PCBD2: variants seen among roughly 807,000 people sequenced by gnomAD.
PCBD2 encodes pterin-4 alpha-carbinolamine dehydratase 2, also known as pterin-4-alpha-carbinolamine dehydratase 2.
A neutral mutation model predicts 16.4 loss-of-function variants in PCBD2; 12 were observed. The observed-to-expected ratio is 0.73, with a 90% CI of 0.47 to 1.19. PCBD2 has a LOEUF of 1.19. PCBD2 is among the 50% of genes most tolerant of loss of function. The pLI, the probability that PCBD2 is intolerant of heterozygous loss-of-function variation, is 0.00. For synonymous variants in PCBD2, 58 were observed against 61.8 expected (o/e 0.94, Z 0.29); for missense variants, 138 against 156.8 (o/e 0.88, Z 0.64).
intron 2 of PCBD2, among the ~76,000 whole-genome samples, chr5:134,941,129 A>G (rs905889321): frequency 4.6e-5 from 7 of 151,602 alleles, no homozygotes; most frequent in Admixed American, 6.6e-5. Flanking sequence ...AAAAAAAAAA[A>G]AAAAAAAAAA....
At chr5:134,914,057 A>C (rs1750799437) in intron 2 of PCBD2, among the ~76,000 whole-genome samples, 1 of 152,150 alleles carries the variant, frequency 6.6e-6, no homozygotes, top group African/African-American at 2.4e-5. Context: ...GCTGGAGTTC[A>C]GGCTGAGACA....
chr5:134,925,926 G>C (rs184780648), intron 2 of PCBD2: 2 of 391,416 alleles, frequency 5.1e-6, no homozygotes, highest in Non-Finnish European at 9.0e-6. Flanking sequence ...AACCGATGTC[G>C]CCGATACGGT....
intron 2 of PCBD2, among the ~76,000 whole-genome samples, chr5:134,915,048 G>A (rs1234497696): frequency 6.6e-6 from 1 of 152,158 alleles, no homozygotes; most frequent in Non-Finnish European, 1.5e-5. Flanking sequence ...CGGGCGCGGT[G>A]GCTCACATCT....
At chr5:134,915,375 T>C (rs527598885) in intron 2 of PCBD2, among the ~76,000 whole-genome samples, 1 of 152,040 alleles carries the variant, frequency 6.6e-6, no homozygotes, top group East Asian at 1.9e-4. Context: ...TTCTAAATAT[T>C]GTTCTGCATG....
intron 1 of PCBD2, among the ~76,000 whole-genome samples, chr5:134,909,521 CTA>C (rs1750739300): frequency 6.6e-6 from 1 of 152,204 alleles, no homozygotes; most frequent in Non-Finnish European, 1.5e-5. Flanking sequence ...TAAGCTGTCT[CTA>C]TGGTATGTTC....
intron 2 of PCBD2, among the ~76,000 whole-genome samples, chr5:134,950,135 A>G (rs186588653): frequency 1.6e-3 from 244 of 152,328 alleles, no homozygotes; most frequent in Non-Finnish European, 2.6e-3. Flanking sequence ...AAGAAGGGTT[A>G]TAGGCCTACA....
At chr5:134,938,559 T>A (rs1751188539) in intron 2 of PCBD2, among the ~76,000 whole-genome samples, 1 of 152,154 alleles carries the variant, frequency 6.6e-6, no homozygotes, top group South Asian at 2.1e-4. Context: ...GGTGGGGTAC[T>A]TTGGGAACAC....
At position 134,962,610 on chromosome 5, in the gene PCBD2, T is replaced by C. The variant is rs1258363414; in HGVS notation, c.*1929T>C. On this transcript the variant is annotated 3_prime_UTR_variant, in exon 4 of 4. Transcript: ENST00000254908. ...GGATTTTAGCTGCCGTTACTACTTA[T>C]ATAATTAATTAGATTAAACAAGTCA... Among the ~76,000 whole-genome samples, 1 of 152,202 alleles carries C rather than the reference T, an allele frequency of 6.6e-6. No individual in the cohort carries two copies. The highest frequency in any genetic ancestry group is 1.5e-5 in the Non-Finnish European group (1 of 68,038).
chr5:134,928,183 G>A, intron 2 of PCBD2: 1 of 390,302 alleles, frequency 2.6e-6, no homozygotes. Flanking sequence ...GGGTGTTGAG[G>A]GTTATGAGAG....
intron 2 of PCBD2, among the ~76,000 whole-genome samples, chr5:134,937,370 A>C (rs769561832): frequency 1.3e-5 from 2 of 152,230 alleles, no homozygotes; most frequent in East Asian, 3.8e-4. Flanking sequence ...AAAAAAGATG[A>C]ATTTTATTTG....
chr5:134,935,383 A>G (rs1751146938), intron 2 of PCBD2, among the ~76,000 whole-genome samples: 1 of 152,172 alleles, frequency 6.6e-6, no homozygotes, highest in East Asian at 1.9e-4. Flanking sequence ...TGACCTTCCT[A>G]AACTCCTTTA....
chr5:134,919,331 T>A (rs942769088), intron 2 of PCBD2, among the ~76,000 whole-genome samples: 1 of 152,238 alleles, frequency 6.6e-6, no homozygotes, highest in African/African-American at 2.4e-5. Flanking sequence ...TGCTTTTTTT[T>A]ATTGCTTTTC....
chr5:134,950,746 ACATT>A (rs1751350283), intron 2 of PCBD2, among the ~76,000 whole-genome samples: 1 of 152,238 alleles, frequency 6.6e-6, no homozygotes, highest in African/African-American at 2.4e-5. Flanking sequence ...ACTTCATCAT[ACATT>A]CATTGACTTG....
intron 2 of PCBD2, chr5:134,924,469 T>C (rs560068421): frequency 4.2e-4 from 165 of 397,340 alleles, no homozygotes; most frequent in Non-Finnish European, 6.1e-4. Flanking sequence ...GTGGTTGTGG[T>C]AAATTTTAAT....
intron 2 of PCBD2, among the ~76,000 whole-genome samples, chr5:134,916,620 A>G (rs1750836301): frequency 6.6e-6 from 1 of 152,246 alleles, no homozygotes; most frequent in Non-Finnish European, 1.5e-5. Context: ...CCCAAAACAC[A>G]TTTGAACTTC....
At chr5:134,917,027 G>C (rs150912187) in intron 2 of PCBD2, among the ~76,000 whole-genome samples, 1 of 152,366 alleles carries the variant, frequency 6.6e-6, no homozygotes, top group African/African-American at 2.4e-5. Context: ...AGGTCTGCAA[G>C]TGACATATAA....
At chr5:134,916,250 A>G (rs1407527907) in intron 2 of PCBD2, among the ~76,000 whole-genome samples, 4 of 152,174 alleles carry the variant, frequency 2.6e-5, no homozygotes. Flanking sequence ...TGATTGCACT[A>G]CCACACTCCA....
intron 2 of PCBD2, among the ~76,000 whole-genome samples, chr5:134,948,719 CT>C (rs11355696): frequency 0.61 from 87,018 of 142,192 alleles, 26,225 homozygotes; most frequent in African/African-American, 0.73. Context: ...TGACTTGAAG[CT>C]TTTTTTTTTT....
chr5:134,960,671 C>T lies in PCBD2; in HGVS notation c.383C>T (p.Ala128Val). The change falls in exon 4 of 4, where the codon GCT becomes GTT. Residue 128 changes from alanine to valine, a missense_variant. Transcript: ENST00000254908. ...GCCAAGTTTATTGAAAAAGCAGCTGCTTCTGTGTGATTTCTTCCAAAATAC... is the reference window on the plus strand; with the variant it reads ...GCCAAGTTTATTGAAAAAGCAGCTGTTTCTGTGTGATTTCTTCCAAAATAC... Reference protein sequence around the residue: ...KLAKFIEKAAASV With the variant: ...KLAKFIEKAAVSV 1 of 1,609,354 alleles carries T rather than the reference C, an allele frequency of 6.2e-7. No homozygotes were observed. Among genetic ancestry groups the T allele is most frequent in the Non-Finnish European group, 8.5e-7 (1 of 1,175,890 alleles).
Sources: gnomAD v4.1 joint callset for allele counts (sites outside exome capture counted in the v4.1 genomes callset) on GRCh38, gnomAD v4.1.1 for gene constraint, MANE v1.5 for transcripts, NCBI Gene and HGNC (gene_info 2026-07-23, HGNC 2026-07-21) for gene names.